Variants in ERBB4 observed in about 807,000 individuals in gnomAD.
ERBB4 encodes the protein erb-b2 receptor tyrosine kinase 4, also known as receptor tyrosine-protein kinase erbB-4.
A neutral mutation model predicts 158.0 loss-of-function variants in ERBB4; 42 were observed. That is an observed-to-expected ratio of 0.27 (90% CI 0.21 to 0.34). The LOEUF is 0.34. ERBB4 is among the 10% of genes least tolerant of loss of function. ERBB4 has a pLI of 1.00. For synonymous variants in ERBB4, 583 were observed against 558.7 expected (o/e 1.04, Z -0.61); for missense variants, 1,333 against 1,624.1 (o/e 0.82, Z 3.08).
intron 2 of ERBB4, among the ~76,000 whole-genome samples, chr2:212,015,061 T>C (rs1174454964): frequency 6.5e-4 from 1 of 1,546 alleles, no homozygotes; most frequent in African/African-American, 7.3e-4. Flanking sequence ...TATATATATA[T>C]ATATATATAT....
chr2:211,514,279 G>A (rs77237560), intron 20 of ERBB4, among the ~76,000 whole-genome samples: 1,600 of 152,056 alleles, frequency 0.011, 11 homozygotes, highest in Non-Finnish European at 0.019. Context: ...AACCTATCTC[G>A]GTTTCTTGGA....
intron 1 of ERBB4, among the ~76,000 whole-genome samples, chr2:212,225,970 A>C (rs2105967793): frequency 6.6e-6 from 1 of 152,258 alleles, no homozygotes; most frequent in East Asian, 1.9e-4. Flanking sequence ...TTGCAGATAT[A>C]ATTAATATCT....
chr2:211,660,571 A>G (rs1371806453), intron 15 of ERBB4, among the ~76,000 whole-genome samples: 1 of 152,214 alleles, frequency 6.6e-6, no homozygotes, highest in African/African-American at 2.4e-5. Context: ...AGTTTTGTGT[A>G]TCTAGAATTT....
In ERBB4 at chr2:211,481,525, C is replaced by T. The variant is rs1403904760; in HGVS notation, c.2488-50425G>A. 2.9e-5 allele frequency among the ~76,000 whole-genome samples: 4 copies of T among 139,402 alleles called. No individual in the cohort carries two copies. In the East Asian group the frequency reaches 6.3e-4, roughly 22 times the overall value. 91.5% of individuals were successfully genotyped at this position (139,402 alleles called of 152,430 possible). A position where few individuals can be genotyped will look rare whatever the true frequency, so the allele number is the denominator to read the frequency against. On this transcript the variant is annotated intron_variant, in intron 20 of 27. Transcript: ENST00000342788. Reference sequence around the variant, plus strand: ...AAGGTAACACACCAGGGCTGGAAATCTTTTTTTTTTTTTTTCCTTACAAAC... The same window carrying T: ...AAGGTAACACACCAGGGCTGGAAATTTTTTTTTTTTTTTTTCCTTACAAAC...
intron 1 of ERBB4, among the ~76,000 whole-genome samples, chr2:212,190,975 C>T (rs2082171158): frequency 6.6e-6 from 1 of 151,882 alleles, no homozygotes; most frequent in Non-Finnish European, 1.5e-5. Context: ...ACCAAGTTTC[C>T]CTAAAGTTCA....
chr2:211,937,383 T>C (rs2080355215), intron 3 of ERBB4, among the ~76,000 whole-genome samples: 1 of 152,206 alleles, frequency 6.6e-6, no homozygotes, highest in Non-Finnish European at 1.5e-5. Context: ...GTGTCTATTC[T>C]AGAAATAATT....
intron 3 of ERBB4, among the ~76,000 whole-genome samples, chr2:211,807,696 C>T (rs1469639957): frequency 6.6e-6 from 1 of 152,064 alleles, no homozygotes; most frequent in East Asian, 1.9e-4. Flanking sequence ...ATTTCTATTT[C>T]TAGATCCTTG....
intron 2 of ERBB4, among the ~76,000 whole-genome samples, chr2:211,991,805 T>G (rs2082080458): frequency 6.6e-6 from 1 of 152,266 alleles, no homozygotes; most frequent in Non-Finnish European, 1.5e-5. Flanking sequence ...CATTTTCACA[T>G]GTGCCTGGCG....
At chr2:211,646,578 T>C (rs2070788092) in intron 16 of ERBB4, among the ~76,000 whole-genome samples, 1 of 151,692 alleles carries the variant, frequency 6.6e-6, no homozygotes, top group Non-Finnish European at 1.5e-5. Context: ...GAAAAATATT[T>C]CATGATGTAC....
At chr2:211,770,649 C>T (rs1363178519) in intron 4 of ERBB4, among the ~76,000 whole-genome samples, 1 of 152,048 alleles carries the variant, frequency 6.6e-6, no homozygotes, top group Admixed American at 6.6e-5. Context: ...ATTTGAATTC[C>T]AGAGACCTAC....
intron 1 of ERBB4, among the ~76,000 whole-genome samples, chr2:212,326,135 T>A (rs1232566631): frequency 6.6e-6 from 1 of 150,650 alleles, no homozygotes; most frequent in African/African-American, 2.4e-5. Flanking sequence ...AGTAGTTCTG[T>A]ATACACATTT....
intron 20 of ERBB4, among the ~76,000 whole-genome samples, chr2:211,504,808 C>T (rs1195218253): frequency 6.6e-6 from 1 of 152,086 alleles, no homozygotes; most frequent in African/African-American, 2.4e-5. Flanking sequence ...GATTTTAAAA[C>T]ACAGTTGAAA....
intron 1 of ERBB4, among the ~76,000 whole-genome samples, chr2:212,497,033 T>C (rs547647812): frequency 3.4e-4 from 52 of 151,898 alleles, no homozygotes; most frequent in African/African-American, 1.1e-3. Context: ...ATATGAAAAT[T>C]AGCTGGTGGT....
chr2:212,051,908 A>G (rs960063058), intron 2 of ERBB4, among the ~76,000 whole-genome samples: 1 of 152,340 alleles, frequency 6.6e-6, no homozygotes. Context: ...AGTCAGATTG[A>G]GGTTCAGATT....
At position 211,383,109 on chromosome 2, in the gene ERBB4, C is replaced by CATATGTTATAGACACT; in HGVS notation, c.*505_*506insAGTGTCTATAACATAT. On this transcript the variant is annotated 3_prime_UTR_variant, in exon 28 of 28. Transcript: ENST00000342788. ...AAACTGGATTCTCAATTTCAGACAC[C>CATATGTTATAGACACT]ATCATATGTTATAGAAAATGTTATT... 1 of 233,312 alleles carries CATATGTTATAGACACT rather than the reference C, an allele frequency of 4.3e-6. No individual in the cohort carries two copies. The highest frequency in any genetic ancestry group is 1.8e-4 in the South Asian group (1 of 5,542). 14.5% of individuals were successfully genotyped at this position (233,312 alleles called of 1,614,324 possible).
chr2:212,217,571 A>G (rs1280114663), intron 1 of ERBB4, among the ~76,000 whole-genome samples: 1 of 151,280 alleles, frequency 6.6e-6, no homozygotes, highest in African/African-American at 2.4e-5. Flanking sequence ...GGCAGACAAC[A>G]TATGTTTGAG....
chr2:212,322,254 TA>T (rs2087600618), intron 1 of ERBB4, among the ~76,000 whole-genome samples: 1 of 150,254 alleles, frequency 6.7e-6, no homozygotes. Context: ...TTCGGGCAAA[TA>T]ACTTCACCAA....
chr2:212,164,304 C>A (rs1034674753), intron 1 of ERBB4, among the ~76,000 whole-genome samples: 8 of 140,150 alleles, frequency 5.7e-5, no homozygotes, highest in Admixed American at 7.1e-5. Flanking sequence ...TTTAAAAAAA[C>A]AACAAAATAT....
intron 2 of ERBB4, among the ~76,000 whole-genome samples, chr2:211,998,146 C>T (rs557762170): frequency 6.6e-6 from 1 of 151,822 alleles, no homozygotes; most frequent in South Asian, 2.1e-4. Context: ...AACTAACCTG[C>T]ACATTGTGCA....
Sources: allele counts gnomAD v4.1 joint callset (sites outside exome capture counted in the v4.1 genomes callset), GRCh38; gene constraint gnomAD v4.1.1; transcripts MANE v1.5; gene names NCBI Gene and HGNC (gene_info 2026-07-23, HGNC 2026-07-21).